The following ALCAM variants were observed in gnomAD, a reference collection of about 807,000 sequenced individuals.
The protein encoded by ALCAM is CD166 antigen.
ALCAM carries 30 observed loss-of-function variants against 70.9 expected under a neutral mutation model. That is an observed-to-expected ratio of 0.42 (90% CI 0.32 to 0.57). The LOEUF (loss-of-function observed/expected upper bound fraction) is 0.57. ALCAM is among the 20% of genes least tolerant of loss of function. ALCAM has a pLI of 0.11. For synonymous variants in ALCAM, 249 were observed against 242.5 expected (o/e 1.03, Z -0.25); for missense variants, 591 against 695.1 (o/e 0.85, Z 1.68).
chr3:105,478,129 G>A (rs530216080), intron 1 of ALCAM, among the ~76,000 whole-genome samples: 24 of 151,634 alleles, frequency 1.6e-4, no homozygotes, highest in African/African-American at 2.7e-4. Flanking sequence ...ATTTTTTATC[G>A]TATCCTTGAC....
chr3:105,525,678 A>G (rs1207483603), intron 3 of ALCAM, among the ~76,000 whole-genome samples: 2 of 152,210 alleles, frequency 1.3e-5, no homozygotes, highest in Middle Eastern at 3.2e-3. Context: ...TCCCTCAAGT[A>G]TTTATACGGA....
At chr3:105,479,449 A>C (rs577340868) in intron 1 of ALCAM, among the ~76,000 whole-genome samples, 1 of 152,330 alleles carries the variant, frequency 6.6e-6, no homozygotes, top group East Asian at 1.9e-4. Context: ...AAAATATCAT[A>C]CATAAAATAC....
intron 1 of ALCAM, among the ~76,000 whole-genome samples, chr3:105,480,351 CAATAAATA>C (rs200096110): frequency 7.8e-4 from 117 of 150,226 alleles, no homozygotes; most frequent in African/African-American, 1.5e-3. Flanking sequence ...GATGTTGTCT[CAATAAATA>C]AATAAATAAA....
At chr3:105,444,714 A>G (rs1251864664) in intron 1 of ALCAM, among the ~76,000 whole-genome samples, 1 of 152,204 alleles carries the variant, frequency 6.6e-6, no homozygotes, top group Non-Finnish European at 1.5e-5. Flanking sequence ...TAATAATACT[A>G]TTTTAGTTTG....
intron 2 of ALCAM, among the ~76,000 whole-genome samples, 182 bp downstream of exon 2, chr3:105,520,349 G>T (rs1939502878): frequency 6.6e-6 from 1 of 152,140 alleles, no homozygotes; most frequent in Non-Finnish European, 1.5e-5. Flanking sequence ...CATAACAAAT[G>T]ATATTTTAAA....
chr3:105,412,554 G>A (rs1936416246), intron 1 of ALCAM, among the ~76,000 whole-genome samples: 2 of 152,016 alleles, frequency 1.3e-5, no homozygotes, highest in Non-Finnish European at 2.9e-5. Flanking sequence ...TTTTGCGTTT[G>A]GGAAGTAGAA....
At chr3:105,402,739 C>T (rs1256494310) in intron 1 of ALCAM, among the ~76,000 whole-genome samples, 2 of 152,014 alleles carry the variant, frequency 1.3e-5, no homozygotes, top group Non-Finnish European at 2.9e-5. Flanking sequence ...GCAAGCTCTG[C>T]CCAGGAGAGG....
chr3:105,510,485 C>T (rs1939208750), intron 1 of ALCAM, among the ~76,000 whole-genome samples: 1 of 152,050 alleles, frequency 6.6e-6, no homozygotes, highest in African/African-American at 2.4e-5. Context: ...ATTTTCATGT[C>T]CACTAGACTT....
intron 1 of ALCAM, among the ~76,000 whole-genome samples, chr3:105,431,423 C>T (rs930219698): frequency 1.3e-5 from 2 of 152,044 alleles, no homozygotes; most frequent in African/African-American, 4.8e-5. Context: ...CCATGGTTGC[C>T]TCTCATCATG....
intron 1 of ALCAM, among the ~76,000 whole-genome samples, chr3:105,409,982 C>T (rs1219247435): frequency 6.6e-6 from 1 of 152,018 alleles, no homozygotes; most frequent in Non-Finnish European, 1.5e-5. Flanking sequence ...ATGACCCCAG[C>T]GTTGACACAT....
chr3:105,376,724 G>A (rs1451880095), intron 1 of ALCAM, among the ~76,000 whole-genome samples: 1 of 152,156 alleles, frequency 6.6e-6, no homozygotes, highest in African/African-American at 2.4e-5. Flanking sequence ...TGGGATTTAA[G>A]AGAAACTCAG....
chr3:105,380,084 G>A (rs1295524819), intron 1 of ALCAM, among the ~76,000 whole-genome samples: 3 of 151,650 alleles, frequency 2.0e-5, no homozygotes, highest in African/African-American at 4.8e-5. Flanking sequence ...TTGAATAGTA[G>A]ACAAAATCTT....
chr3:105,428,060 G>A lies in ALCAM; in HGVS notation c.73+60579G>A, dbSNP rs143720884. Among the ~76,000 whole-genome samples the A allele has an allele frequency of 4.4e-3, 674 of 151,964 alleles. 2 individuals carry two copies. Among genetic ancestry groups the A allele is most frequent in the South Asian group, 0.013 (63 of 4,826 alleles). ...TTTTTAATTATTCATTTGTAATCAC[G>A]AAATATCTGAACTAAATATTTGAAT... On this transcript the variant is annotated intron_variant, in intron 1 of 15. Transcript: ENST00000306107.
chr3:105,373,307 TTA>T lies in ALCAM; in HGVS notation c.73+5828_73+5829del, dbSNP rs755480455. Among the ~76,000 whole-genome samples the T allele has an allele frequency of 5.5e-4, 83 of 152,228 alleles. No individual in the cohort carries two copies. The Middle Eastern group carries it at 0.031, about 56-fold the overall frequency. The stretch of plus-strand genomic sequence containing the variant: ...TTGGAACTTGTAATTAAAAAAGACT[TTA>T]TTTTTGATTATTTTAACTTATTATG... On this transcript the variant is annotated intron_variant, in intron 1 of 15. Coordinates refer to ENST00000306107, the MANE Select transcript of ALCAM (RefSeq NM_001627.4).
In ALCAM at chr3:105,524,194, T is replaced by C; in HGVS notation, c.175-95T>C. The C allele has an allele frequency of 7.9e-6, 8 of 1,009,712 alleles. No individual in the cohort carries two copies. In the South Asian group the frequency reaches 1.4e-4, roughly 18 times the overall value. 62.5% of individuals were successfully genotyped at this position (1,009,712 alleles called of 1,614,324 possible). A position where few individuals can be genotyped will look rare whatever the true frequency, so the allele number is the denominator to read the frequency against. Reference sequence around the variant, plus strand: ...TCTTCGTAGACAAAAAATATAGATATTGGTAGAATATGGCCAAGGAAATGT... The same window carrying C: ...TCTTCGTAGACAAAAAATATAGATACTGGTAGAATATGGCCAAGGAAATGT... On this transcript the variant is annotated intron_variant, in intron 2 of 15. Coordinates refer to ENST00000306107, the MANE Select transcript of ALCAM (RefSeq NM_001627.4).
At chr3:105,567,217 G>A (rs1454352857) in intron 14 of ALCAM, among the ~76,000 whole-genome samples, 1 of 152,108 alleles carries the variant, frequency 6.6e-6, no homozygotes, top group African/African-American at 2.4e-5. Context: ...ATTAACTTGA[G>A]TGTGTTTTTC....
chr3:105,498,477 G>A (rs531378178), intron 1 of ALCAM, among the ~76,000 whole-genome samples: 14 of 150,716 alleles, frequency 9.3e-5, no homozygotes, highest in African/African-American at 2.9e-4. Flanking sequence ...ACACCACCAT[G>A]TTTTGTCTGT....
chr3:105,470,483 G>T (rs1937895544), intron 1 of ALCAM, among the ~76,000 whole-genome samples: 2 of 151,232 alleles, frequency 1.3e-5, no homozygotes, highest in Admixed American at 1.3e-4. Context: ...GTGTTTAGGG[G>T]TTAAATTATA....
chr3:105,453,360 C>T (rs1937481151), intron 1 of ALCAM, among the ~76,000 whole-genome samples: 1 of 152,020 alleles, frequency 6.6e-6, no homozygotes. Flanking sequence ...TTTTGTCAGG[C>T]TTGTTGAAGA....
Sources: allele counts gnomAD v4.1 joint callset (sites outside exome capture counted in the v4.1 genomes callset), GRCh38; gene constraint gnomAD v4.1.1; transcripts MANE v1.5; gene names NCBI Gene and HGNC (gene_info 2026-07-23, HGNC 2026-07-21).